The following ZSCAN32 variants were observed in gnomAD, a reference collection of about 807,000 sequenced individuals.
The protein encoded by ZSCAN32 is zinc finger and SCAN domain containing 32, also known as zinc finger and SCAN domain-containing protein 32.
ZSCAN32 carries 52 observed loss-of-function variants against 47.4 expected under a neutral mutation model. The observed-to-expected ratio is 1.10, with a 90% CI of 0.88 to 1.38. ZSCAN32 has a LOEUF of 1.38. Ranked by LOEUF, ZSCAN32 falls within the 40% of genes most tolerant of loss-of-function variation. The pLI, the probability that ZSCAN32 is intolerant of heterozygous loss-of-function variation, is 0.00. For synonymous variants in ZSCAN32, 346 were observed against 305.7 expected, an observed-to-expected ratio of 1.13 and a Z score of -1.38; for missense variants, 959 against 846.0, an observed-to-expected ratio of 1.13 and a Z score of -1.66.
chr16:3,393,469 G>A (rs1008771611), intron 3 of ZSCAN32, among the ~76,000 whole-genome samples, 180 bp downstream of exon 3: 5 of 150,182 alleles, frequency 3.3e-5, no homozygotes, highest in Admixed American at 2.7e-4. Flanking sequence ...CAGGTGATCC[G>A]CCTGTCTGGT....
At chr16:3,399,375 G>A (rs577503755) in intron 1 of ZSCAN32, among the ~76,000 whole-genome samples, 2 of 152,024 alleles carry the variant, frequency 1.3e-5, no homozygotes, top group African/African-American at 4.8e-5. Context: ...CATTTTCTAG[G>A]AATTGGTAAA....
Position 3,397,223 on chromosome 16 carries a change from A to G in ZSCAN32, c.335T>C (p.Val112Ala), listed in dbSNP as rs1427747482. The change falls in exon 2 of 7, where the codon GTT becomes GCT. Residue 112 changes from valine (V) to alanine (A), a missense_variant. Physicochemically the swap from Val to Ala is moderately conservative, Grantham distance 64. Transcript: ENST00000396852. ...PENGEEAVALVEDVQRAPGQQ... is the reference protein window; with the variant it reads ...PENGEEAVALAEDVQRAPGQQ... ...TCCAGGAGCTCTCTGTACATCCTCA[A>G]CCAGAGCCACAGCTTCCTCGCCGTT... The G allele has an allele frequency of 1.3e-6, 2 of 1,555,082 alleles. No individual in the cohort carries two copies. The highest frequency in any genetic ancestry group is 2.4e-5 in the East Asian group (1 of 41,444).
chr16:3,386,155 G>A (rs2031958426), intron 5 of ZSCAN32, among the ~76,000 whole-genome samples: 1 of 152,164 alleles, frequency 6.6e-6, no homozygotes, highest in Admixed American at 6.5e-5. Flanking sequence ...CTTCTCAAAA[G>A]AAGACATTTA....
In ZSCAN32 at chr16:3,382,712, C is replaced by G. The variant is rs1349168586; in HGVS notation, c.*140G>C. ...AGAGGTCAGCGTCCTTATGCTGACT[C>G]CTGGTCCTAGACATGGGTCTTAAGA... is the stretch of plus-strand genomic sequence containing the variant. On this transcript the variant is annotated 3_prime_UTR_variant, in exon 7 of 7. Coordinates refer to ENST00000396852, the MANE Select transcript of ZSCAN32 (RefSeq NM_001284527.2). The G allele has an allele frequency of 7.3e-6, 10 of 1,378,884 alleles. No homozygotes were observed. Among genetic ancestry groups the G allele is most frequent in the African/African-American group, 1.4e-5 (1 of 69,260 alleles). The allele number at this position is 1,378,884 out of a possible 1,614,324, so 85.4% of individuals were successfully genotyped here. A position where few individuals can be genotyped will look rare whatever the true frequency, so the allele number is the denominator to read the frequency against.
At chr16:3,390,208 C>T in intron 4 of ZSCAN32, 75 bp from the exon 5 acceptor site, 1 of 1,499,082 alleles carries the variant, frequency 6.7e-7, no homozygotes, top group African/African-American at 1.4e-5. Context: ...GAGACAGGAT[C>T]ACAGTTGTCA....
rs1052811250 is a variant in ZSCAN32, at chr16:3,383,153, G to A, written c.1793C>T (p.Thr598Ile). 1.9e-6 allele frequency: 3 copies of A among 1,614,150 alleles called. No individual in the cohort carries two copies. The highest frequency in any genetic ancestry group is 1.6e-4 in the Middle Eastern group (1 of 6,062). Residue 598 changes from threonine (T) to isoleucine (I), a missense_variant, in exon 7 of 7, where the codon ACC (threonine) becomes ATC (isoleucine). Transcript: ENST00000396852. ...CTGGTAAGGCTTTTCCCCGGTATGG[G>A]TCCTCTGGTGGACAATGAGGCTGGA... ...QSSSLIVHQR[T>I]HTGEKPYQCI...
Position 3,388,260 on chromosome 16 carries a change from G to A in ZSCAN32, c.751+1750C>T, listed in dbSNP as rs117245153. Among the ~76,000 whole-genome samples, 255 of 152,192 alleles carry A rather than the reference G, an allele frequency of 1.7e-3. 6 individuals carry two copies. The East Asian group carries it at 0.045, about 27-fold the overall frequency. On this transcript the variant is annotated intron_variant, in intron 5 of 6. Coordinates refer to ENST00000396852, the MANE Select transcript of ZSCAN32 (RefSeq NM_001284527.2). Reference sequence around the variant, plus strand: ...GCCAGTGAACTGGCATGCCCACCTCGCTCCAGCCCAAGTCATTGCGTCTGT... The same window carrying A: ...GCCAGTGAACTGGCATGCCCACCTCACTCCAGCCCAAGTCATTGCGTCTGT...
chr16:3,384,943 T>G lies in ZSCAN32; in HGVS notation c.752-2A>C. Reference sequence around the variant, plus strand: ...CATAGCCCCAGGGCACACCTGTTGCTGGGGGACAAAGAATAGGTCAATTAG... The same window carrying G: ...CATAGCCCCAGGGCACACCTGTTGCGGGGGGACAAAGAATAGGTCAATTAG... On this transcript the variant is annotated splice_acceptor_variant, in intron 5 of 6. Transcript: ENST00000396852. LOFTEE classifies it high-confidence loss of function. The G allele has an allele frequency of 6.2e-7, 1 of 1,609,374 alleles. No homozygotes were observed. The highest frequency in any genetic ancestry group is 2.2e-5 in the East Asian group (1 of 44,848).
intron 3 of ZSCAN32, among the ~76,000 whole-genome samples, chr16:3,391,944 C>G (rs1054010715): frequency 6.6e-6 from 1 of 152,060 alleles, no homozygotes; most frequent in Non-Finnish European, 1.5e-5. Flanking sequence ...AAAAAACTTA[C>G]CTAGCAACCT....
At chr16:3,398,373 C>G (rs895540641) in intron 1 of ZSCAN32, among the ~76,000 whole-genome samples, 5 of 152,148 alleles carry the variant, frequency 3.3e-5, no homozygotes, top group African/African-American at 9.7e-5. Flanking sequence ...TGAATGCATC[C>G]CCAACCAGTC....
intron 5 of ZSCAN32, among the ~76,000 whole-genome samples, chr16:3,388,780 A>G (rs2032314634): frequency 6.6e-6 from 1 of 152,198 alleles, no homozygotes; most frequent in African/African-American, 2.4e-5. Context: ...CCATTACATG[A>G]AATATTCAGA....
At chr16:3,387,724 A>T (rs1382218024) in intron 5 of ZSCAN32, among the ~76,000 whole-genome samples, 1 of 152,152 alleles carries the variant, frequency 6.6e-6, no homozygotes, top group Non-Finnish European at 1.5e-5. Context: ...GTCTACTTTC[A>T]ACCCAACAGC....
chr16:3,386,938 TA>T (rs34104039), intron 5 of ZSCAN32, among the ~76,000 whole-genome samples: 8,407 of 141,076 alleles, frequency 0.06, 692 homozygotes, highest in African/African-American at 0.19. Flanking sequence ...GCTTAAAGTA[TA>T]AAAAAAAAAA....
intron 3 of ZSCAN32, among the ~76,000 whole-genome samples, chr16:3,391,770 C>A (rs1017065054): frequency 6.6e-6 from 1 of 150,502 alleles, no homozygotes; most frequent in Admixed American, 6.6e-5. Context: ...ATCATCAAGA[C>A]ACACTGTTTT....
chr16:3,400,564 C>T (rs1462358718), intron 1 of ZSCAN32, among the ~76,000 whole-genome samples: 1 of 152,180 alleles, frequency 6.6e-6, no homozygotes, highest in Non-Finnish European at 1.5e-5. Context: ...AAAAATGTAG[C>T]ATGAGGATGG....
At position 3,390,105 on chromosome 16, in the gene ZSCAN32, A is replaced by T. The variant is rs1214226466; in HGVS notation, c.656T>A (p.Val219Glu). The T allele has an allele frequency of 6.2e-7, 1 of 1,613,548 alleles. No individual in the cohort carries two copies. The highest frequency in any genetic ancestry group is 1.3e-5 in the African/African-American group (1 of 74,918). ...QGPAMRDNRAVSLCQQEWMCP... is the reference protein window; with the variant it reads ...QGPAMRDNRAESLCQQEWMCP... The stretch of plus-strand genomic sequence containing the variant: ...CATCCATTCTTGCTGACAGAGGGAT[A>T]CAGCTCTGTTGTCACGCATGGCTGG... The change falls in exon 5 of 7, where the codon GTA becomes GAA. Residue 219 changes from valine (V) to glutamate (E), a missense_variant. By Grantham distance (121) the Val-to-Glu change is moderately radical. Coordinates refer to ENST00000396852, the MANE Select transcript of ZSCAN32 (RefSeq NM_001284527.2).
chr16:3,387,131 C>T (rs950703862), intron 5 of ZSCAN32, among the ~76,000 whole-genome samples: 13 of 152,112 alleles, frequency 8.5e-5, no homozygotes, highest in African/African-American at 1.9e-4. Flanking sequence ...TTTAATTTCT[C>T]GTTAATTATC....
At chr16:3,397,076 C>A in intron 2 of ZSCAN32, 116 bp downstream of exon 2, 1 of 1,336,072 alleles carries the variant, frequency 7.5e-7, no homozygotes, top group Non-Finnish European at 1.0e-6. Context: ...ACAGCCAAGA[C>A]CTTCTGTGGG....
At chr16:3,391,436 G>C (rs566619044) in intron 3 of ZSCAN32, among the ~76,000 whole-genome samples, 2 of 151,396 alleles carry the variant, frequency 1.3e-5, no homozygotes, top group Non-Finnish European at 2.9e-5. Flanking sequence ...CCAGCACTTT[G>C]GGAGGCCGAG....
Sources: gnomAD v4.1 joint callset for allele counts (sites outside exome capture counted in the v4.1 genomes callset) on GRCh38, gnomAD v4.1.1 for gene constraint, MANE v1.5 for transcripts, NCBI Gene and HGNC (gene_info 2026-07-23, HGNC 2026-07-21) for gene names.